Variants in NCAPD2 observed in about 807,000 individuals in gnomAD.
NCAPD2 encodes the protein condensin complex subunit 1.
Under a neutral mutation model 164.5 loss-of-function variants are expected in NCAPD2, and 100 were observed. The observed-to-expected ratio is 0.61, with a 90% confidence interval of 0.52 to 0.72. The LOEUF is 0.72. NCAPD2 is among the 30% of genes least tolerant of loss of function. The pLI, the probability that NCAPD2 is intolerant of heterozygous loss-of-function variation, is 0.00. For synonymous variants in NCAPD2, 585 were observed against 642.6 expected (o/e 0.91, Z 1.36); for missense variants, 1,560 against 1,749.2 (o/e 0.89, Z 1.93).
rs1211933217 is a variant in NCAPD2 at position 6,526,148 on chromosome 12, G to C, written c.2429G>C (p.Arg810Thr). 1 of 1,614,186 alleles carries C rather than the reference G, an allele frequency of 6.2e-7. No homozygotes were observed. The highest frequency in any genetic ancestry group is 1.1e-5 in the South Asian group (1 of 91,082). The part of the protein sequence containing the change: ...GLDEKFPQDY[R>T]LAQQVCHAIA... ...GATGAGAAGTTTCCACAGGACTACAGGCTGGCCCAGCAGGTGTGCCATGCC... is the reference window on the plus strand; with the variant it reads ...GATGAGAAGTTTCCACAGGACTACACGCTGGCCCAGCAGGTGTGCCATGCC... Residue 810 changes from arginine to threonine, a missense_variant, in exon 19 of 32, where the codon AGG becomes ACG. Transcript: ENST00000315579.
chr12:6,508,205 CT>C (rs1946114328), intron 2 of NCAPD2, among the ~76,000 whole-genome samples: 1 of 151,910 alleles, frequency 6.6e-6, no homozygotes, highest in Admixed American at 6.6e-5. Flanking sequence ...ACCTGTAGTC[CT>C]AGCTACGTGG....
intron 2 of NCAPD2, among the ~76,000 whole-genome samples, chr12:6,501,811 T>C (rs1457686818): frequency 1.3e-5 from 2 of 152,074 alleles, no homozygotes; most frequent in Non-Finnish European, 2.9e-5. Context: ...AGAAAGCGAA[T>C]GAAGGAGCTA....
At chr12:6,509,569 T>C in intron 2 of NCAPD2, 148 bp from the exon 3 acceptor site, 1 of 783,446 alleles carries the variant, frequency 1.3e-6, no homozygotes, top group Non-Finnish European at 2.2e-6. Flanking sequence ...GCTCTCATCG[T>C]CATTATAGGT....
At chr12:6,507,080 A>G (rs956347732) in intron 2 of NCAPD2, among the ~76,000 whole-genome samples, 1 of 152,182 alleles carries the variant, frequency 6.6e-6, no homozygotes, top group Non-Finnish European at 1.5e-5. Context: ...TTCCACCAAG[A>G]ATGGTTGATT....
Position 6,495,226 on chromosome 12 carries a change from G to T in NCAPD2, c.127+1G>T. 1 of 1,614,056 alleles carries T rather than the reference G, an allele frequency of 6.2e-7. No homozygotes were observed. Among genetic ancestry groups the T allele is most frequent in the South Asian group, 1.1e-5 (1 of 91,086 alleles). ...AAACATCTTCCACCACAGCTTAGAG[G>T]TAAGAGTCCATAGCTGTCACTGTAC... On this transcript the variant is annotated splice_donor_variant, in intron 2 of 31. Coordinates refer to ENST00000315579, the MANE Select transcript of NCAPD2 (RefSeq NM_014865.4). LOFTEE classifies it high-confidence loss of function.
In NCAPD2 at chr12:6,529,812, T is replaced by C; in HGVS notation, c.3691T>C (p.Ser1231Pro). 1 of 1,614,152 alleles carries C rather than the reference T, an allele frequency of 6.2e-7. No homozygotes were observed. The highest frequency in any genetic ancestry group is 2.2e-5 in the East Asian group (1 of 44,894). Reference protein sequence around the residue: ...RQQRDLAYCVSQLPLTERGLR... With the variant: ...RQQRDLAYCVPQLPLTERGLR... ...GCAGCGAGACCTGGCCTACTGTGTG[T>C]CACAGCTGCCCCTCACAGAGCGAGG... The change falls in exon 29 of 32, where the codon TCA (serine) becomes CCA (proline). Residue 1231 changes from serine to proline, a missense_variant. By Grantham distance (74) the Ser-to-Pro change is moderately conservative. Coordinates refer to ENST00000315579, the MANE Select transcript of NCAPD2 (RefSeq NM_014865.4).
At chr12:6,518,533 T>TTTTTTTTTTTTG (rs1565544225) in intron 13 of NCAPD2, among the ~76,000 whole-genome samples, 1 of 138,600 alleles carries the variant, frequency 7.2e-6, no homozygotes, top group Non-Finnish European at 1.5e-5. Context: ...TTTTTTTTTT[T>TTTTTTTTTTTTG]TGAGATGGAG....
chr12:6,509,931 T>C, intron 3 of NCAPD2, 139 bp downstream of exon 3: 2 of 1,250,670 alleles, frequency 1.6e-6, no homozygotes, highest in Middle Eastern at 1.9e-4. Context: ...GATGAGCATG[T>C]ACCCAGCTTG....
At chr12:6,503,910 A>G (rs2109430) in intron 2 of NCAPD2, among the ~76,000 whole-genome samples, 86,871 of 151,114 alleles carry the variant, frequency 0.57, 25,983 homozygotes, top group African/African-American at 0.74. Context: ...CCCAGGAGGC[A>G]GAGGTTGCAG....
chr12:6,519,052 AT>A (rs1234225963), intron 13 of NCAPD2, among the ~76,000 whole-genome samples: 26 of 146,268 alleles, frequency 1.8e-4, no homozygotes, highest in South Asian at 2.2e-4. Context: ...CGCCCGGCTA[AT>A]TTTTTTTTTT....
At chr12:6,503,884 C>T (rs1344856182) in intron 2 of NCAPD2, among the ~76,000 whole-genome samples, 5 of 151,240 alleles carry the variant, frequency 3.3e-5, no homozygotes, top group African/African-American at 1.2e-4. Context: ...GAGGCTGAGG[C>T]ACTGAATTGC....
chr12:6,531,846 G>T lies in NCAPD2; in HGVS notation c.*434G>T. Reference sequence around the variant, plus strand: ...GCCTACACGCTCTTTAAAATGCAAGGCTTTCTCTTAAATTAGCCTAACTGA... The same window carrying T: ...GCCTACACGCTCTTTAAAATGCAAGTCTTTCTCTTAAATTAGCCTAACTGA... On this transcript the variant is annotated 3_prime_UTR_variant, in exon 32 of 32. Transcript: ENST00000315579. This position sits in a 1 kb window ranked among gnomAD's most constrained non-coding sequence, Gnocchi z 4.1. The T allele has an allele frequency of 4.9e-6, 1 of 203,072 alleles. No individual in the cohort carries two copies. Among genetic ancestry groups the T allele is most frequent in the Non-Finnish European group, 1.0e-5 (1 of 97,402 alleles). 12.6% of individuals were successfully genotyped at this position (203,072 alleles called of 1,614,324 possible). A position where few individuals can be genotyped will look rare whatever the true frequency, so the allele number is the denominator to read the frequency against.
At chr12:6,511,437 A>G (rs1183218331) in intron 6 of NCAPD2, among the ~76,000 whole-genome samples, 185 bp downstream of exon 6, 2 of 151,692 alleles carry the variant, frequency 1.3e-5, no homozygotes, top group Admixed American at 6.6e-5. Flanking sequence ...GGTTCAAGCA[A>G]TTTTCCTGCC....
At chr12:6,522,085 A>G (rs1455530303) in intron 15 of NCAPD2, 48 bp downstream of exon 15, 4 of 1,562,934 alleles carry the variant, frequency 2.6e-6, no homozygotes, top group Non-Finnish European at 3.5e-6. Flanking sequence ...GTTCTTTTGG[A>G]TTTTTTAATT....
At chr12:6,530,662 C>T (rs1592179630) in intron 29 of NCAPD2, 29 bp from the exon 30 acceptor site, 2 of 1,613,150 alleles carry the variant, frequency 1.2e-6, no homozygotes, top group East Asian at 4.5e-5. Flanking sequence ...GTTTTCAGGC[C>T]TGCTCTGAAT....
Position 6,518,504 on chromosome 12 carries a change from G to GTTTTTTTGTTTTTTT in NCAPD2, c.1589+552_1589+553insGTTTTTTTTTTTTTT. Among the ~76,000 whole-genome samples, 3 of 44,782 alleles carry GTTTTTTTGTTTTTTT rather than the reference G, an allele frequency of 6.7e-5. No homozygotes were observed. In the South Asian group the frequency reaches 2.5e-3, roughly 37 times the overall value. 29.4% of individuals were successfully genotyped at this position (44,782 alleles called of 152,430 possible). ...CAAAAGCCCTTACAGCCGTCAACAA[G>GTTTTTTTGTTTTTTT]TTTTTTTTTTTTTTTTTTTTTTTTT... On this transcript the variant is annotated intron_variant, in intron 13 of 31. Transcript: ENST00000315579.
rs1310226158 is a variant in NCAPD2 at position 6,514,607 on chromosome 12, G to A, written c.839+20G>A. ...TGTAAGGTGACTCTTCCTTCTCGAA[G>A]TTTCTCATGCTTATTTTCCTTGGGG... On this transcript the variant is annotated intron_variant, in intron 8 of 31. Coordinates refer to ENST00000315579, the MANE Select transcript of NCAPD2 (RefSeq NM_014865.4). 1 of 1,613,998 alleles carries A rather than the reference G, an allele frequency of 6.2e-7. No homozygotes were observed. Among genetic ancestry groups the A allele is most frequent in the Non-Finnish European group, 8.5e-7 (1 of 1,179,908 alleles).
chr12:6,518,515 T>TTTTTTTTG (rs1555139605), intron 13 of NCAPD2, among the ~76,000 whole-genome samples: 9 of 109,240 alleles, frequency 8.2e-5, no homozygotes, highest in South Asian at 3.3e-4. Context: ...TTTTTTTTTT[T>TTTTTTTTG]TTTTTTTTTT....
In NCAPD2 at chr12:6,528,878, A is replaced by T. The variant is rs1946343870; in HGVS notation, c.3477+22A>T. 1 of 1,612,976 alleles carries T rather than the reference A, an allele frequency of 6.2e-7. No individual in the cohort carries two copies. The highest frequency in any genetic ancestry group is 1.1e-5 in the South Asian group (1 of 91,064). ...CAAGGTGAGAGGCAGAGAGGCACTG[A>T]GGGCTGGCTGCAGAGGGAATCTGTA... is the stretch of plus-strand genomic sequence containing the variant. On this transcript the variant is annotated intron_variant, in intron 26 of 31. Coordinates refer to ENST00000315579, the MANE Select transcript of NCAPD2 (RefSeq NM_014865.4). This position sits in a 1 kb window ranked among gnomAD's most constrained non-coding sequence, Gnocchi z 5.1.
Sources: gnomAD v4.1 joint callset for allele counts (sites outside exome capture counted in the v4.1 genomes callset) on GRCh38, gnomAD v4.1.1 for gene constraint, Gnocchi (gnomAD v3.1) non-coding constraint, MANE v1.5 for transcripts, NCBI Gene and HGNC (gene_info 2026-07-23, HGNC 2026-07-21) for gene names.